The following ESPN variants were observed in gnomAD, a reference collection of about 807,000 sequenced individuals.
ESPN encodes the protein autosomal recessive deafness type 36 protein.
Under a neutral mutation model 77.7 loss-of-function variants are expected in ESPN, and 68 were observed. The ratio of observed to expected loss-of-function variants is 0.87; its 90% CI spans 0.72 to 1.07. The LOEUF is 1.07. Among genes scored for constraint, ESPN ranks in the 50% least tolerant of loss-of-function variants. The pLI, the probability that ESPN is intolerant of heterozygous loss-of-function variation, is 0.00. For synonymous variants in ESPN, 449 were observed against 567.1 expected (o/e 0.79, Z 2.96); for missense variants, 1,060 against 1,239.0 (o/e 0.86, Z 2.17).
intron 12 of ESPN, 122 bp downstream of exon 12, chr1:6,457,494 C>A: frequency 8.5e-7 from 1 of 1,177,464 alleles, no homozygotes; most frequent in East Asian, 2.4e-5. Context: ...AGCACAGCCT[C>A]CTTCCTCCCT....
At chr1:6,432,744 G>A (rs1275555219) in intron 2 of ESPN, among the ~76,000 whole-genome samples, 1 of 152,242 alleles carries the variant, frequency 6.6e-6, no homozygotes, top group Non-Finnish European at 1.5e-5. Flanking sequence ...GTGAGGCTGT[G>A]CACTACAGAA....
intron 6 of ESPN, 95 bp downstream of exon 6, chr1:6,444,777 A>C: frequency 7.2e-7 from 1 of 1,394,344 alleles, no homozygotes. Flanking sequence ...TGCCACAGCC[A>C]ATATCGGACA....
chr1:6,434,056 C>T (rs1276703006), intron 2 of ESPN, among the ~76,000 whole-genome samples: 1 of 152,206 alleles, frequency 6.6e-6, no homozygotes, highest in Non-Finnish European at 1.5e-5. Context: ...GCATATGGCA[C>T]CACACCCGGC....
intron 2 of ESPN, among the ~76,000 whole-genome samples, chr1:6,431,628 CAA>C (rs760363517): frequency 3.4e-3 from 213 of 61,752 alleles, no homozygotes; most frequent in African/African-American, 8.6e-3. Context: ...AAGATTCTGT[CAA>C]AAAAAAAAAA....
Position 6,449,092 on chromosome 1 carries a change from G to T in ESPN, c.1915+1G>T, listed in dbSNP as rs1438632779. 1.3e-6 allele frequency: 2 copies of T among 1,483,848 alleles called. No homozygotes were observed. Among genetic ancestry groups the T allele is most frequent in the Non-Finnish European group, 1.8e-6 (2 of 1,123,818 alleles). 91.9% of individuals were successfully genotyped at this position (1,483,848 alleles called of 1,614,324 possible). A position where few individuals can be genotyped will look rare whatever the true frequency, so the allele number is the denominator to read the frequency against. ...CGCCGCTCCTCCTCGTCCACCGGCA[G>T]TGAGTAGGGGCAGGTTGAGGGGCGT... On this transcript the variant is annotated splice_donor_variant, in intron 8 of 12. Coordinates refer to ENST00000645284, the MANE Select transcript of ESPN (RefSeq NM_031475.3). LOFTEE classifies it high-confidence loss of function.
At chr1:6,461,147 G>A (rs754313761), downstream of ESPN, 218 of 656,832 alleles carry the variant, frequency 3.3e-4, no homozygotes, top group Non-Finnish European at 5.8e-4. This position sits in a 1 kb window ranked among gnomAD's most constrained non-coding sequence, Gnocchi z 6.3. Context: ...ACGCCAAGAA[G>A]CCGTTTTTGT....
intron 5 of ESPN, among the ~76,000 whole-genome samples, chr1:6,441,595 ATGTT>A (rs1286295746): frequency 6.6e-6 from 1 of 152,140 alleles, no homozygotes; most frequent in Admixed American, 6.5e-5. Flanking sequence ...TTTTTAAATT[ATGTT>A]ATTATGGTGA....
intron 10 of ESPN, among the ~76,000 whole-genome samples, 186 bp from the exon 11 acceptor site, chr1:6,456,998 C>T (rs1234557094): frequency 1.3e-5 from 2 of 152,236 alleles, no homozygotes; most frequent in Non-Finnish European, 2.9e-5. Flanking sequence ...ACATGAGGGT[C>T]TGGGTTACTA....
Position 6,428,406 on chromosome 1 carries a change from G to A in ESPN, c.475G>A (p.Glu159Lys), listed in dbSNP as rs397833067. 27 of 1,611,762 alleles carry A rather than the reference G, an allele frequency of 1.7e-5. No individual in the cohort carries two copies. The highest frequency in any genetic ancestry group is 6.7e-5 in the Admixed American group (4 of 59,968). The change falls in exon 2 of 13, where the codon GAG becomes AAG. Residue 159 changes from glutamate to lysine, a missense_variant. By Grantham distance (56) the Glu-to-Lys change is moderately conservative (BLOSUM62 1). This residue lies in a region of ESPN where 556 missense variants were observed against 633.6 expected (regional missense o/e 0.88). Coordinates refer to ENST00000645284, the MANE Select transcript of ESPN (RefSeq NM_031475.3). This position sits in a 1 kb window ranked among gnomAD's most constrained non-coding sequence, Gnocchi z 5.4. Reference protein sequence around the residue: ...GDFPSLRLLVEHYPEGVNAQT... With the variant: ...GDFPSLRLLVKHYPEGVNAQT... Reference sequence around the variant, plus strand: ...CTTCCCCTCCCTGAGGCTTCTCGTCGAGCACTACCCTGAGTAAGATCACCC... The same window carrying A: ...CTTCCCCTCCCTGAGGCTTCTCGTCAAGCACTACCCTGAGTAAGATCACCC...
chr1:6,455,453 C>T, intron 10 of ESPN: 1 of 396,646 alleles, frequency 2.5e-6, no homozygotes, highest in Admixed American at 4.4e-5. Context: ...AGGCCCACAG[C>T]CCCGACGAAC....
At position 6,460,108 on chromosome 1, in the gene ESPN, C is replaced by T; in HGVS notation, c.2527C>T (p.Gln843Ter). ...DESKLAPWQRQVILKKGDIAK... is the reference protein window; with the variant it reads ...DESKLAPWQR ...GAGCAAGCTGGCGCCCTGGCAGCGA[C>T]AGGTCATCCTGAAGAAGGGGGACAT... Residue 843 changes from glutamine to a stop codon, truncating the protein, a stop_gained, in exon 13 of 13, where the codon CAG becomes TAG. Transcript: ENST00000645284. LOFTEE classifies it high-confidence loss of function. 1 of 1,613,154 alleles carries T rather than the reference C, an allele frequency of 6.2e-7. No homozygotes were observed. Among genetic ancestry groups the T allele is most frequent in the African/African-American group, 1.3e-5 (1 of 75,048 alleles).
At chr1:6,442,056 C>A (rs1379025336) in intron 5 of ESPN, among the ~76,000 whole-genome samples, 1 of 152,192 alleles carries the variant, frequency 6.6e-6, no homozygotes, top group African/African-American at 2.4e-5. Context: ...CTGGGAAGGG[C>A]ATTTCTGCAT....
At chr1:6,455,070 G>A in intron 10 of ESPN, 2 of 383,224 alleles carry the variant, frequency 5.2e-6, no homozygotes, top group Admixed American at 9.0e-5. Flanking sequence ...CATCTTGGAG[G>A]AGGACTACGT....
chr1:6,444,474 C>T lies in ESPN; in HGVS notation c.991-7C>T, dbSNP rs1643752382. ...TTGTCTTCATGGCCTCCCTGCCTCC[C>T]CTTCAGAGCGTGGAGCACCGCGTGC... On this transcript the variant is annotated splice_region_variant and splice_polypyrimidine_tract_variant and intron_variant, in intron 5 of 12. Transcript: ENST00000645284. 3 of 1,614,100 alleles carry T rather than the reference C, an allele frequency of 1.9e-6. No individual in the cohort carries two copies. Among genetic ancestry groups the T allele is most frequent in the Non-Finnish European group, 2.5e-6 (3 of 1,179,968 alleles).
chr1:6,449,011 C>G lies in ESPN; in HGVS notation c.1835C>G (p.Ser612Trp). The change falls in exon 8 of 13, where the codon TCG (serine) becomes TGG (tryptophan). Residue 612 changes from serine (S) to tryptophan (W), a missense_variant. Physicochemically the swap from Ser to Trp is radical, Grantham distance 177. Coordinates refer to ENST00000645284, the MANE Select transcript of ESPN (RefSeq NM_031475.3). ...CCGCCCCTGCCGGAGGCCGCGAGTT[C>G]GCCACCGCCGGCCCCGCCTCTGCCC... ...PPPPLPEAAS[S>W]PPPAPPLPLE... is the part of the protein sequence containing the mutation. The G allele has an allele frequency of 6.9e-7, 1 of 1,459,154 alleles. No individual in the cohort carries two copies. The highest frequency in any genetic ancestry group is 9.0e-7 in the Non-Finnish European group (1 of 1,111,826). The allele number at this position is 1,459,154 out of a possible 1,614,324, so 90.4% of individuals were successfully genotyped here.
In ESPN at chr1:6,447,223, C is replaced by G. The variant is rs1381328172; in HGVS notation, c.1464+1288C>G. 6.6e-6 allele frequency: 1 copy of G among 152,558 alleles called. No individual in the cohort carries two copies. The highest frequency in any genetic ancestry group is 1.5e-5 in the Non-Finnish European group (1 of 68,374). 9.5% of individuals were successfully genotyped at this position (152,558 alleles called of 1,614,324 possible). ...CCCCTCCCCACTGTGTGCGCCCCTC[C>G]CGGCTATGTGCGTCCATCTCGGCCG... is the stretch of plus-strand genomic sequence containing the variant. On this transcript the variant is annotated intron_variant, in intron 7 of 12. Coordinates refer to ENST00000645284, the MANE Select transcript of ESPN (RefSeq NM_031475.3). This position sits in a 1 kb window ranked among gnomAD's most constrained non-coding sequence, Gnocchi z 5.2.
At chr1:6,443,830 G>A (rs932839902) in intron 5 of ESPN, among the ~76,000 whole-genome samples, 20 of 152,322 alleles carry the variant, frequency 1.3e-4, no homozygotes, top group Non-Finnish European at 2.6e-4. Context: ...CGGGCTTGCC[G>A]GCAGCAGGGG....
At chr1:6,456,007 A>AGCCGCC (rs1303952750) in intron 10 of ESPN, 8 of 397,312 alleles carry the variant, frequency 2.0e-5, no homozygotes, top group South Asian at 1.3e-4. Context: ...CCTGCGCCGC[A>AGCCGCC]GCCGCCGCCG....
chr1:6,440,392 G>T lies in ESPN; in HGVS notation c.627G>T (p.Pro209=). Residue 209 remains proline (P), a synonymous_variant, in exon 3 of 13, where the codon CCG becomes CCT. Transcript: ENST00000645284. ...PHARAHDGMT[P]LHAAAQMGHS... ...CGCGCGCCCACGACGGCATGACCCC[G>T]CTGCACGCCGCGGCGCAGATGGGCC... 6.3e-7 allele frequency: 1 copy of T among 1,585,292 alleles called. No homozygotes were observed.
Sources: gnomAD v4.1 joint callset for allele counts (sites outside exome capture counted in the v4.1 genomes callset) on GRCh38, gnomAD v4.1.1 for gene constraint, gnomAD v4.1.1 regional missense constraint, Gnocchi (gnomAD v3.1) non-coding constraint, MANE v1.5 for transcripts, NCBI Gene and HGNC (gene_info 2026-07-23, HGNC 2026-07-21) for gene names.